The following ADGRL2 variants were observed in gnomAD, a reference collection of about 807,000 sequenced individuals.
The protein encoded by ADGRL2 is calcium-independent alpha-latrotoxin receptor 2.
Under a neutral mutation model 157.4 loss-of-function variants are expected in ADGRL2, and 44 were observed. That is an observed-to-expected ratio of 0.28 (90% CI 0.22 to 0.36). The LOEUF (loss-of-function observed/expected upper bound fraction) is 0.36, where lower values mean the gene tolerates loss of function less well. Ranked by LOEUF, ADGRL2 falls within the 10% of genes least tolerant of loss-of-function variation. ADGRL2 has a pLI of 1.00. For missense variants in ADGRL2, 1,510 were observed against 1,768.9 expected (o/e 0.85, Z 2.63); for synonymous variants, 585 against 624.7 (o/e 0.94, Z 0.95).
chr1:81,722,815 T>A (rs2084378961), intron 1 of ADGRL2: 1 of 714,050 alleles, frequency 1.4e-6, no homozygotes. Flanking sequence ...AGAAGCTCAC[T>A]ATGGCTCTTT....
At chr1:81,519,645 A>T (rs2079264621) in intron 2 of ADGRL2, among the ~76,000 whole-genome samples, 1 of 152,192 alleles carries the variant, frequency 6.6e-6, no homozygotes, top group Admixed American at 6.5e-5. Context: ...TGTGCAATGC[A>T]TTTTACTATC....
intron 13 of ADGRL2, among the ~76,000 whole-genome samples, chr1:81,967,057 G>A (rs962814708): frequency 6.6e-6 from 1 of 152,060 alleles, no homozygotes; most frequent in African/African-American, 2.4e-5. Context: ...AAACAGTTGA[G>A]GAGATGTGAT....
intron 2 of ADGRL2, among the ~76,000 whole-genome samples, chr1:81,882,517 T>C (rs2094013974): frequency 6.6e-6 from 1 of 152,138 alleles, no homozygotes; most frequent in Non-Finnish European, 1.5e-5. Flanking sequence ...AACATACACA[T>C]TAACATTATG....
intron 2 of ADGRL2, among the ~76,000 whole-genome samples, chr1:81,544,481 G>A (rs528955319): frequency 3.0e-4 from 45 of 152,100 alleles, no homozygotes; most frequent in South Asian, 6.2e-4. Context: ...TTCCAAACTC[G>A]CTGCCATCAG....
intron 1 of ADGRL2, among the ~76,000 whole-genome samples, chr1:81,827,575 GT>G (rs201581615): frequency 4.6e-5 from 7 of 151,796 alleles, no homozygotes; most frequent in African/African-American, 1.7e-4. Flanking sequence ...AACACGAATT[GT>G]TTTTTTTGAG....
chr1:81,860,221 TCAAAA>T (rs541397160), intron 2 of ADGRL2, among the ~76,000 whole-genome samples: 2,232 of 152,266 alleles, frequency 0.015, 29 homozygotes, highest in Non-Finnish European at 0.022. Context: ...AGACTTCGTC[TCAAAA>T]CAAAACAAAA....
chr1:81,563,351 C>T (rs1285951818), intron 2 of ADGRL2, among the ~76,000 whole-genome samples: 1 of 152,046 alleles, frequency 6.6e-6, no homozygotes, highest in Non-Finnish European at 1.5e-5. Flanking sequence ...CTATTATTTC[C>T]ATTTTTAACG....
At chr1:81,756,484 A>C (rs1256748977) in intron 1 of ADGRL2, among the ~76,000 whole-genome samples, 1 of 152,162 alleles carries the variant, frequency 6.6e-6, no homozygotes, top group African/African-American at 2.4e-5. Flanking sequence ...GAGATGTCTT[A>C]AGTTTCATAG....
chr1:81,580,223 A>G (rs2148535370), intron 2 of ADGRL2, among the ~76,000 whole-genome samples: 1 of 152,278 alleles, frequency 6.6e-6, no homozygotes, highest in African/African-American at 2.4e-5. Context: ...TTGCTTGTAC[A>G]GTTAACCATT....
chr1:81,880,668 G>A (rs1468443511), intron 2 of ADGRL2, among the ~76,000 whole-genome samples: 1 of 134,866 alleles, frequency 7.4e-6, no homozygotes, highest in Non-Finnish European at 1.6e-5. Flanking sequence ...CCCTCCCACC[G>A]CCCCCCGCCC....
intron 2 of ADGRL2, among the ~76,000 whole-genome samples, chr1:81,781,928 G>T (rs548763608): frequency 6.6e-6 from 1 of 152,142 alleles, no homozygotes; most frequent in African/African-American, 2.4e-5. Context: ...AACCAAATTG[G>T]CACAAAGAAG....
intron 2 of ADGRL2, among the ~76,000 whole-genome samples, chr1:81,884,905 A>G (rs143479008): frequency 1.9e-3 from 288 of 152,326 alleles, no homozygotes; most frequent in African/African-American, 6.7e-3. Context: ...AGTGATCTGT[A>G]AAAGAGTGTT....
At chr1:81,381,027 T>C (rs1390361733) in intron 1 of ADGRL2, among the ~76,000 whole-genome samples, 1 of 152,118 alleles carries the variant, frequency 6.6e-6, no homozygotes, top group Non-Finnish European at 1.5e-5. Flanking sequence ...AAATTTTAAA[T>C]TTTCTTTATA....
chr1:81,503,332 G>A, intron 2 of ADGRL2: 1 of 1,614,142 alleles, frequency 6.2e-7, no homozygotes, highest in Non-Finnish European at 8.5e-7. Flanking sequence ...GAAGCCTGTG[G>A]TCCACCTCAT....
chr1:81,454,380 C>G (rs750665481), intron 2 of ADGRL2, among the ~76,000 whole-genome samples: 2 of 152,150 alleles, frequency 1.3e-5, no homozygotes, highest in Non-Finnish European at 2.9e-5. Context: ...TCAGTCTGCT[C>G]TCATGGTGAT....
At chr1:81,429,799 G>A (rs995425119) in intron 1 of ADGRL2, among the ~76,000 whole-genome samples, 4 of 152,170 alleles carry the variant, frequency 2.6e-5, no homozygotes, top group African/African-American at 7.2e-5. Flanking sequence ...GCAACGTTTC[G>A]GGTAATGGAG....
At chr1:81,936,929 G>T in intron 4 of ADGRL2, 92 bp downstream of exon 4, 1 of 789,922 alleles carries the variant, frequency 1.3e-6, no homozygotes, top group African/African-American at 1.7e-5. Context: ...TATGTTTATG[G>T]CCTACAAAAC....
chr1:81,596,506 T>C lies in ADGRL2; in HGVS notation c.-143+15526T>C, dbSNP rs1557492442. 11 of 416,752 alleles carry C rather than the reference T, an allele frequency of 2.6e-5. No individual in the cohort carries two copies. The East Asian group carries it at 5.6e-4, about 21-fold the overall frequency. 25.8% of individuals were successfully genotyped at this position (416,752 alleles called of 1,614,324 possible). ...GTTTTTCCTGTATCCTTAAAAGCCATGGCTGCTGCGCGGCTCCCTGACCGA... is the reference window on the plus strand; with the variant it reads ...GTTTTTCCTGTATCCTTAAAAGCCACGGCTGCTGCGCGGCTCCCTGACCGA... On this transcript the variant is annotated intron_variant, in intron 3 of 24. Coordinates refer to the ADGRL2 transcript ENST00000370721.
intron 21 of ADGRL2, 86 bp downstream of exon 21, chr1:81,985,441 T>C: frequency 1.4e-6 from 1 of 695,188 alleles, no homozygotes; most frequent in Middle Eastern, 3.2e-4. Flanking sequence ...GTAAGAAATA[T>C]AATTTTAAAC....
Sources: gnomAD v4.1 joint callset for allele counts (sites outside exome capture counted in the v4.1 genomes callset) on GRCh38, gnomAD v4.1.1 for gene constraint, MANE v1.5 for transcripts, NCBI Gene and HGNC (gene_info 2026-07-23, HGNC 2026-07-21) for gene names.